ADAMTS20: variants seen among roughly 807,000 people sequenced by gnomAD.
ADAMTS20 encodes ADAM metallopeptidase with thrombospondin type 1 motif 20.
A neutral mutation model predicts 260.1 loss-of-function variants in ADAMTS20; 225 were observed. The ratio of observed to expected loss-of-function variants is 0.87; its 90% CI spans 0.78 to 0.97. The LOEUF is 0.97. ADAMTS20 is among the 50% of genes least tolerant of loss of function. The probability of loss-of-function intolerance (pLI) is 0.00; values close to 1 mark genes in which losing one functional copy is unlikely to be tolerated. For missense variants in ADAMTS20, 2,400 were observed against 2,337.7 expected (o/e 1.03, Z -0.55); for synonymous variants, 802 against 769.5 (o/e 1.04, Z -0.70).
At chr12:43,463,532 T>G (rs544796778) in intron 10 of ADAMTS20, among the ~76,000 whole-genome samples, 2 of 152,180 alleles carry the variant, frequency 1.3e-5, no homozygotes, top group Admixed American at 1.3e-4. Flanking sequence ...CCCAATATAA[T>G]TCCTTTCTTT....
chr12:43,415,420 A>C (rs1941111695), intron 28 of ADAMTS20, among the ~76,000 whole-genome samples: 1 of 152,202 alleles, frequency 6.6e-6, no homozygotes, highest in Non-Finnish European at 1.5e-5. Context: ...CAACTTTCTC[A>C]AGTAGACTTG....
intron 27 of ADAMTS20, 111 bp from the exon 28 acceptor site, chr12:43,425,801 CATA>C: frequency 1.4e-6 from 1 of 732,430 alleles, no homozygotes; most frequent in Non-Finnish European, 2.0e-6. Context: ...GTAATTTTAA[CATA>C]ATTAGTTTAC....
intron 7 of ADAMTS20, among the ~76,000 whole-genome samples, chr12:43,472,510 G>A (rs1415124290): frequency 7.4e-6 from 1 of 135,210 alleles, no homozygotes; most frequent in Non-Finnish European, 1.6e-5. Context: ...TCCTCGAGAA[G>A]AGCAACTCCA....
intron 7 of ADAMTS20, among the ~76,000 whole-genome samples, chr12:43,488,561 C>A (rs888089315): frequency 2.6e-5 from 4 of 152,172 alleles, no homozygotes; most frequent in African/African-American, 9.6e-5. Flanking sequence ...AGGAGACTGA[C>A]ATGTTTTGTA....
At chr12:43,447,838 A>T (rs1941791119) in intron 14 of ADAMTS20, among the ~76,000 whole-genome samples, 1 of 152,112 alleles carries the variant, frequency 6.6e-6, no homozygotes, top group Non-Finnish European at 1.5e-5. Context: ...CCATTCCTAC[A>T]CACCAATATT....
chr12:43,385,278 T>C (rs536999933), intron 29 of ADAMTS20, among the ~76,000 whole-genome samples: 11 of 152,352 alleles, frequency 7.2e-5, no homozygotes, highest in Admixed American at 3.3e-4. Context: ...TCTGTTCATA[T>C]CCTTCACCAC....
chr12:43,364,902 T>C (rs1395624266), intron 37 of ADAMTS20, among the ~76,000 whole-genome samples: 1 of 152,068 alleles, frequency 6.6e-6, no homozygotes, highest in African/African-American at 2.4e-5. Context: ...AATTTACCCA[T>C]CCAAGAAGCT....
chr12:43,502,441 A>T lies in ADAMTS20; in HGVS notation c.614-36T>A. On this transcript the variant is annotated intron_variant, in intron 3 of 38. Coordinates refer to ENST00000389420, the MANE Select transcript of ADAMTS20 (RefSeq NM_025003.5). Reference sequence around the variant, plus strand: ...AAAAAGAATATAATGCAGAGCCATTAAATTGGATGTGACGAAAAATATCGC... The same window carrying T: ...AAAAAGAATATAATGCAGAGCCATTTAATTGGATGTGACGAAAAATATCGC... The T allele has an allele frequency of 3.9e-6, 6 of 1,553,420 alleles. No homozygotes were observed. In the South Asian group the frequency reaches 7.5e-5, roughly 20 times the overall value.
intron 21 of ADAMTS20, 119 bp downstream of exon 21, chr12:43,432,185 T>C: frequency 6.1e-6 from 7 of 1,149,602 alleles, no homozygotes; most frequent in Non-Finnish European, 8.4e-6. Flanking sequence ...GCTTTGATAA[T>C]AGTTATTTAC....
rs1296135792 is a variant in ADAMTS20 at position 43,462,930 on chromosome 12, G to A, written c.1579C>T (p.Pro527Ser). Reference protein sequence around the residue: ...LHKGCFTQHVPPADGTDCGPG... With the variant: ...LHKGCFTQHVSPADGTDCGPG... ...CCGCAGTCTGTTCCATCTGCTGGTGGCACGTGTTGAGTGAAACAGCCTTTG... is the reference window on the plus strand; with the variant it reads ...CCGCAGTCTGTTCCATCTGCTGGTGACACGTGTTGAGTGAAACAGCCTTTG... Residue 527 changes from proline (P) to serine (S), a missense_variant, in exon 11 of 39, where the codon CCA becomes TCA. Pro to Ser is a moderately conservative substitution (Grantham distance 74). Transcript: ENST00000389420. The A allele has an allele frequency of 3.1e-6, 5 of 1,609,062 alleles. No homozygotes were observed. In the South Asian group the frequency reaches 4.5e-5, roughly 14 times the overall value.
At chr12:43,379,496 A>G (rs1202030521) in intron 31 of ADAMTS20, among the ~76,000 whole-genome samples, 1 of 152,112 alleles carries the variant, frequency 6.6e-6, no homozygotes, top group Non-Finnish European at 1.5e-5. Context: ...GCTCTACACA[A>G]GCAGAAAGTT....
chr12:43,499,011 C>T (rs1395312921), intron 4 of ADAMTS20, among the ~76,000 whole-genome samples: 1 of 152,128 alleles, frequency 6.6e-6, no homozygotes, highest in Admixed American at 6.5e-5. Context: ...CTTGAACATT[C>T]TTTCAGTGAG....
At chr12:43,451,551 C>A (rs1054655658) in intron 14 of ADAMTS20, among the ~76,000 whole-genome samples, 1 of 152,052 alleles carries the variant, frequency 6.6e-6, no homozygotes, top group African/African-American at 2.4e-5. Flanking sequence ...TGCTCCCATA[C>A]TTCCTCATCT....
chr12:43,410,246 A>G (rs1941006715), intron 28 of ADAMTS20, among the ~76,000 whole-genome samples: 1 of 152,214 alleles, frequency 6.6e-6, no homozygotes, highest in Non-Finnish European at 1.5e-5. Flanking sequence ...CAGCAGGGTT[A>G]AGGTCATCTG....
intron 3 of ADAMTS20, 64 bp from the exon 4 acceptor site, chr12:43,502,469 A>C: frequency 6.7e-7 from 1 of 1,489,898 alleles, no homozygotes; most frequent in Non-Finnish European, 9.0e-7. Flanking sequence ...AATATCGCAA[A>C]AAATAGAACA....
intron 3 of ADAMTS20, among the ~76,000 whole-genome samples, chr12:43,520,241 T>C (rs2137480121): frequency 6.6e-6 from 1 of 152,332 alleles, no homozygotes; most frequent in African/African-American, 2.4e-5. Context: ...AGGCAGTTTA[T>C]AGACCTGAGT....
chr12:43,521,099 G>A (rs997218760), intron 3 of ADAMTS20, among the ~76,000 whole-genome samples: 1 of 152,162 alleles, frequency 6.6e-6, no homozygotes, highest in African/African-American at 2.4e-5. Flanking sequence ...CCCTTTAGCT[G>A]TAAGGTTAAA....
At chr12:43,501,506 T>TCACACACACACACACAC (rs1491581398) in intron 4 of ADAMTS20, among the ~76,000 whole-genome samples, 1,289 of 71,290 alleles carry the variant, frequency 0.018, 17 homozygotes, top group Non-Finnish European at 0.029. Flanking sequence ...CACACACATG[T>TCACACACACACACACAC]AAGGATGAAG....
At chr12:43,485,301 T>C (rs959783241) in intron 7 of ADAMTS20, among the ~76,000 whole-genome samples, 1 of 152,020 alleles carries the variant, frequency 6.6e-6, no homozygotes, top group Non-Finnish European at 1.5e-5. Context: ...ATTCATCACA[T>C]AAACAATTAA....
Sources: allele counts gnomAD v4.1 joint callset (sites outside exome capture counted in the v4.1 genomes callset), GRCh38; gene constraint gnomAD v4.1.1; transcripts MANE v1.5; gene names NCBI Gene and HGNC (gene_info 2026-07-23, HGNC 2026-07-21).